CSMD2: variants seen among roughly 807,000 people sequenced by gnomAD.
The protein encoded by CSMD2 is CUB and sushi domain-containing protein 2.
A neutral mutation model predicts 398.5 loss-of-function variants in CSMD2; 130 were observed. That is an observed-to-expected ratio of 0.33 (90% CI 0.28 to 0.38). The LOEUF (loss-of-function observed/expected upper bound fraction) is 0.38, where lower values mean the gene tolerates loss of function less well. Among genes scored for constraint, CSMD2 ranks in the 10% least tolerant of loss-of-function variants. The probability of loss-of-function intolerance (pLI) is 1.00; values close to 1 mark genes in which losing one functional copy is unlikely to be tolerated. For missense variants in CSMD2, 3,829 were observed against 4,764.9 expected (o/e 0.80, Z 5.78); for synonymous variants, 1,828 against 1,908.5 (o/e 0.96, Z 1.10).
intron 6 of CSMD2, 76 bp downstream of exon 6, chr1:33,846,808 G>T: frequency 1.2e-6 from 1 of 865,890 alleles, no homozygotes; most frequent in South Asian, 2.0e-5. Flanking sequence ...GGACCCAGTA[G>T]GGAGAGGTGA....
At chr1:34,088,432 G>A (rs1451363466) in intron 2 of CSMD2, among the ~76,000 whole-genome samples, 1 of 152,176 alleles carries the variant, frequency 6.6e-6, no homozygotes, top group Admixed American at 6.5e-5. Context: ...TTGGGAGTCA[G>A]CTCAGGGGTA....
At chr1:33,868,438 T>C (rs1640194917) in intron 5 of CSMD2, among the ~76,000 whole-genome samples, 2 of 151,988 alleles carry the variant, frequency 1.3e-5, no homozygotes, top group African/African-American at 4.8e-5. Flanking sequence ...AGACAGACAA[T>C]TAAAAAAACA....
chr1:33,995,193 A>G (rs970085205), intron 3 of CSMD2, among the ~76,000 whole-genome samples: 29 of 152,200 alleles, frequency 1.9e-4, no homozygotes, highest in Non-Finnish European at 2.8e-4. Flanking sequence ...CAAGAGTGTA[A>G]ATTATCCACA....
chr1:33,790,189 G>A (rs937002932), intron 11 of CSMD2, among the ~76,000 whole-genome samples: 2 of 152,128 alleles, frequency 1.3e-5, no homozygotes, highest in Non-Finnish European at 2.9e-5. Context: ...AGGGGGAGAG[G>A]TAAGTGTGAT....
intron 3 of CSMD2, among the ~76,000 whole-genome samples, chr1:34,011,841 C>A (rs1439085773): frequency 6.6e-6 from 1 of 151,974 alleles, no homozygotes; most frequent in Admixed American, 6.6e-5. Flanking sequence ...TTTTTTCAAC[C>A]CATTAATCAT....
intron 2 of CSMD2, among the ~76,000 whole-genome samples, chr1:34,065,264 C>T (rs893187567): frequency 1.3e-5 from 2 of 152,202 alleles, no homozygotes; most frequent in East Asian, 1.9e-4. Flanking sequence ...GGTGCACCAA[C>T]ACTTTCCTTC....
At chr1:34,056,861 G>A (rs1653888174) in intron 2 of CSMD2, among the ~76,000 whole-genome samples, 1 of 152,146 alleles carries the variant, frequency 6.6e-6, no homozygotes, top group Admixed American at 6.6e-5. Flanking sequence ...CTGAGAAAGG[G>A]GACCTGGTCA....
intron 20 of CSMD2, among the ~76,000 whole-genome samples, chr1:33,715,277 G>A (rs1418613554): frequency 1.3e-5 from 2 of 152,022 alleles, no homozygotes; most frequent in Non-Finnish European, 2.9e-5. Flanking sequence ...TTAGCCTCAG[G>A]CAACTCCCAC....
intron 3 of CSMD2, among the ~76,000 whole-genome samples, chr1:34,009,348 C>T (rs569144431): frequency 6.8e-5 from 10 of 146,288 alleles, no homozygotes; most frequent in Non-Finnish European, 7.5e-5. Context: ...AATTGAGGGT[C>T]GGGGGTGGGG....
chr1:33,602,282 A>G, intron 43 of CSMD2, 87 bp downstream of exon 43: 16 of 1,461,592 alleles, frequency 1.1e-5, no homozygotes, highest in Non-Finnish European at 1.2e-5. Flanking sequence ...TGGTTTTTCT[A>G]AACCAATAGG....
At chr1:33,871,579 G>C (rs1570348176) in intron 5 of CSMD2, among the ~76,000 whole-genome samples, 1 of 152,324 alleles carries the variant, frequency 6.6e-6, no homozygotes. Context: ...TGTCTGCAGA[G>C]AGGACTGAGC....
chr1:34,064,985 G>A (rs1329911993), intron 2 of CSMD2, among the ~76,000 whole-genome samples: 2 of 152,028 alleles, frequency 1.3e-5, no homozygotes, highest in African/African-American at 4.8e-5. Flanking sequence ...ATGATATAAG[G>A]GAAACCACCC....
At chr1:33,626,892 A>G (rs1642161416) in intron 32 of CSMD2, among the ~76,000 whole-genome samples, 1 of 152,220 alleles carries the variant, frequency 6.6e-6, no homozygotes, top group South Asian at 2.1e-4. Flanking sequence ...TGTGCCGGAA[A>G]GGAGAAGGCT....
chr1:33,518,890 T>C lies in CSMD2; in HGVS notation c.*53+575A>G, dbSNP rs530362802. On this transcript the variant is annotated intron_variant, in intron 70 of 70. Coordinates refer to ENST00000373381, the MANE Select transcript of CSMD2 (RefSeq NM_001281956.2). This position sits in a 1 kb window ranked among gnomAD's most constrained non-coding sequence, Gnocchi z 4.3. The stretch of plus-strand genomic sequence containing the variant: ...CTCTACGGAGATGCGTATCTATATA[T>C]AGATGGATAGGTATGGATATATCTT... 6.6e-6 allele frequency among the ~76,000 whole-genome samples: 1 copy of C among 152,338 alleles called. No homozygotes were observed. The highest frequency in any genetic ancestry group is 1.5e-5 in the Non-Finnish European group (1 of 68,036).
At chr1:33,671,770 G>A (rs887816267) in intron 25 of CSMD2, among the ~76,000 whole-genome samples, 1 of 152,162 alleles carries the variant, frequency 6.6e-6, no homozygotes, top group South Asian at 2.1e-4. Flanking sequence ...CTAAGAAGCT[G>A]GGAGGACAGT....
intron 5 of CSMD2, among the ~76,000 whole-genome samples, chr1:33,895,797 G>A (rs1642349422): frequency 6.6e-6 from 1 of 152,192 alleles, no homozygotes; most frequent in South Asian, 2.1e-4. Flanking sequence ...GTGGGGTTGT[G>A]AATATTAAAC....
intron 1 of CSMD2, among the ~76,000 whole-genome samples, chr1:34,107,080 C>A (rs1454311599): frequency 6.6e-6 from 1 of 152,036 alleles, no homozygotes; most frequent in East Asian, 1.9e-4. Context: ...AGAGAAAGGG[C>A]CAGGTATCTC....
At position 33,820,565 on chromosome 1, in the gene CSMD2, CAAAAAAAAAAAA is replaced by C; in HGVS notation, c.1112-21_1112-10del. On this transcript the variant is annotated splice_polypyrimidine_tract_variant and intron_variant, in intron 7 of 70. Coordinates refer to ENST00000373381, the MANE Select transcript of CSMD2 (RefSeq NM_001281956.2). ...CACACCAACCTGAGTTACTACAAGGCAAAAAAAAAAAAAAAAAAAAAAACAGCACACACAGAG... is the reference window on the plus strand; with the variant it reads ...CACACCAACCTGAGTTACTACAAGGCAAAAAAAAAAACAGCACACACAGAG... The C allele has an allele frequency of 6.8e-6, 3 of 442,162 alleles. No homozygotes were observed. Among genetic ancestry groups the C allele is most frequent in the Non-Finnish European group, 1.1e-5 (3 of 269,008 alleles). 27.4% of individuals were successfully genotyped at this position (442,162 alleles called of 1,614,324 possible).
chr1:34,046,109 C>G (rs531879535), intron 2 of CSMD2, among the ~76,000 whole-genome samples: 1 of 152,154 alleles, frequency 6.6e-6, no homozygotes, highest in African/African-American at 2.4e-5. Flanking sequence ...AGCTACCTTC[C>G]GTTAGATGAC....
Sources: allele counts gnomAD v4.1 joint callset (sites outside exome capture counted in the v4.1 genomes callset), GRCh38; gene constraint gnomAD v4.1.1; non-coding constraint Gnocchi (gnomAD v3.1); transcripts MANE v1.5; gene names NCBI Gene and HGNC (gene_info 2026-07-23, HGNC 2026-07-21).